Variants in ATP8A2 observed in about 807,000 individuals in gnomAD.
ATP8A2 encodes the protein phospholipid-transporting ATPase IB.
A neutral mutation model predicts 165.6 loss-of-function variants in ATP8A2; 100 were observed. The observed-to-expected ratio is 0.60, with a 90% CI of 0.51 to 0.71. The LOEUF (loss-of-function observed/expected upper bound fraction) is 0.71, where lower values mean the gene tolerates loss of function less well. Among genes scored for constraint, ATP8A2 ranks in the 30% least tolerant of loss-of-function variants. The probability of loss-of-function intolerance (pLI) is 0.00; values close to 1 mark genes in which losing one functional copy is unlikely to be tolerated. For synonymous variants in ATP8A2, 543 were observed against 548.8 expected (o/e 0.99, Z 0.15); for missense variants, 1,227 against 1,479.5 (o/e 0.83, Z 2.80).
intron 1 of ATP8A2, among the ~76,000 whole-genome samples, chr13:25,453,703 G>A (rs1252877510): frequency 2.0e-5 from 3 of 152,238 alleles, no homozygotes; most frequent in South Asian, 4.1e-4. Context: ...AAAGACTAAC[G>A]TTCTATAAGA....
intron 33 of ATP8A2, among the ~76,000 whole-genome samples, chr13:25,946,742 G>A (rs1955223859): frequency 2.8e-5 from 2 of 71,474 alleles, no homozygotes; most frequent in Non-Finnish European, 2.9e-5. Context: ...AATGTTATTG[G>A]TTTTTTGTTT....
Position 25,563,972 on chromosome 13 carries a change from T to C in ATP8A2, c.1414T>C (p.Cys472Arg). Residue 472 changes from cysteine (C) to arginine (R), a missense_variant, in exon 16 of 37, where the codon TGT becomes CGT. Physicochemically the swap from Cys to Arg is radical, Grantham distance 180 (BLOSUM62 -3). Around this residue, in one of 5 missense-constraint regions of ATP8A2, gnomAD observed 592 missense variants for 785.6 expected, o/e 0.75. Transcript: ENST00000381655. Reference protein sequence around the residue: ...SDDFCRMPPPCSDSCDFDDPR... With the variant: ...SDDFCRMPPPRSDSCDFDDPR... ...CTCTTACAGTCGGATGCCTCCTCCC[T>C]GTAGTGATTCCTGTGACTTTGATGA... 6.2e-7 allele frequency: 1 copy of C among 1,612,508 alleles called. No homozygotes were observed. The highest frequency in any genetic ancestry group is 8.5e-7 in the Non-Finnish European group (1 of 1,178,480).
chr13:25,424,747 T>C (rs2034396137), intron 1 of ATP8A2, among the ~76,000 whole-genome samples: 1 of 152,082 alleles, frequency 6.6e-6, no homozygotes, highest in Non-Finnish European at 1.5e-5. Flanking sequence ...CACCTGAGGT[T>C]GGGAGTTCAA....
intron 16 of ATP8A2, among the ~76,000 whole-genome samples, chr13:25,570,468 A>T (rs2039433842): frequency 6.6e-6 from 1 of 152,144 alleles, no homozygotes; most frequent in South Asian, 2.1e-4. Context: ...GCTCCTGGGG[A>T]GGCAGGGTGT....
chr13:25,586,849 T>A (rs1200093421), intron 23 of ATP8A2, among the ~76,000 whole-genome samples: 2 of 152,314 alleles, frequency 1.3e-5, no homozygotes, highest in African/African-American at 2.4e-5. Context: ...CTGACAGATT[T>A]GGTTTAGTAA....
At chr13:25,639,482 A>G (rs1188858224) in intron 24 of ATP8A2, among the ~76,000 whole-genome samples, 1 of 152,204 alleles carries the variant, frequency 6.6e-6, no homozygotes, top group Non-Finnish European at 1.5e-5. Context: ...ACTTTAAATC[A>G]ATGAAGATCG....
chr13:25,800,562 C>T (rs763002937), intron 27 of ATP8A2, among the ~76,000 whole-genome samples: 1 of 152,138 alleles, frequency 6.6e-6, no homozygotes, highest in Non-Finnish European at 1.5e-5. Flanking sequence ...TGGCAGGCTC[C>T]TGGACACCTG....
intron 24 of ATP8A2, among the ~76,000 whole-genome samples, chr13:25,607,223 TCCCTGGTG>T (rs2040540190): frequency 4.6e-5 from 7 of 152,134 alleles, no homozygotes; most frequent in Admixed American, 4.6e-4. Flanking sequence ...ACAAAACGGG[TCCCTGGTG>T]CCAAAACAGT....
chr13:25,508,146 T>C (rs943115587), intron 2 of ATP8A2, among the ~76,000 whole-genome samples: 1 of 152,200 alleles, frequency 6.6e-6, no homozygotes, highest in African/African-American at 2.4e-5. Flanking sequence ...AACACATTGC[T>C]GGTAGGAATG....
chr13:25,511,243 T>A (rs907046873), intron 2 of ATP8A2, among the ~76,000 whole-genome samples: 4 of 152,336 alleles, frequency 2.6e-5, no homozygotes, highest in Admixed American at 2.6e-4. Context: ...TTTTGCATTT[T>A]AATTTTTATC....
chr13:25,820,967 C>G (rs1384024947), intron 27 of ATP8A2, among the ~76,000 whole-genome samples: 1 of 150,954 alleles, frequency 6.6e-6, no homozygotes, highest in East Asian at 1.9e-4. Flanking sequence ...TTTTCTCTAC[C>G]AAGTAAATAG....
rs561957185 is a variant in ATP8A2 at position 25,395,461 on chromosome 13, G to A, written c.76+23173G>A. On this transcript the variant is annotated intron_variant, in intron 1 of 36. Coordinates refer to ENST00000381655, the MANE Select transcript of ATP8A2 (RefSeq NM_016529.6). ...AAAAAGGCAGATTACTTGGAGAAAA[G>A]GCATACACATTTATTAACGTATACA... 9.2e-5 allele frequency among the ~76,000 whole-genome samples: 14 copies of A among 152,170 alleles called. 1 individual carries two copies. In the South Asian group the frequency reaches 2.9e-3, roughly 32 times the overall value.
chr13:25,549,016 A>G (rs566236773), intron 10 of ATP8A2, among the ~76,000 whole-genome samples: 1 of 152,276 alleles, frequency 6.6e-6, no homozygotes, highest in South Asian at 2.1e-4. Flanking sequence ...CTTTGGAGAC[A>G]TTTTCATCCT....
chr13:25,423,417 G>A (rs561584703), intron 1 of ATP8A2, among the ~76,000 whole-genome samples: 2 of 152,288 alleles, frequency 1.3e-5, no homozygotes, highest in African/African-American at 4.8e-5. Flanking sequence ...TACAAAGCTT[G>A]CTGAGTGATC....
chr13:25,453,178 G>T (rs2035274324), intron 1 of ATP8A2, among the ~76,000 whole-genome samples: 1 of 151,880 alleles, frequency 6.6e-6, no homozygotes, highest in Admixed American at 6.6e-5. Flanking sequence ...CCAGGCTGGA[G>T]TGCAATGGTA....
chr13:25,798,737 T>G (rs1950549149), intron 27 of ATP8A2, among the ~76,000 whole-genome samples: 1 of 152,158 alleles, frequency 6.6e-6, no homozygotes, highest in African/African-American at 2.4e-5. Context: ...ATGATCTTTC[T>G]GTACTTCAGA....
intron 24 of ATP8A2, among the ~76,000 whole-genome samples, chr13:25,665,838 C>T (rs1343661759): frequency 1.3e-5 from 2 of 151,628 alleles, no homozygotes; most frequent in East Asian, 3.9e-4. Context: ...CAGATGCACA[C>T]CACCACTCCT....
intron 35 of ATP8A2, among the ~76,000 whole-genome samples, chr13:25,992,294 T>G (rs1956411975): frequency 6.6e-6 from 1 of 151,920 alleles, no homozygotes; most frequent in Non-Finnish European, 1.5e-5. Context: ...TTAGTCTGTG[T>G]TTTCCTAATG....
At chr13:25,634,517 G>C (rs2137532082) in intron 24 of ATP8A2, among the ~76,000 whole-genome samples, 1 of 152,252 alleles carries the variant, frequency 6.6e-6, no homozygotes, top group South Asian at 2.1e-4. Context: ...TAAGTTTAAT[G>C]AGTAACAGTT....
Sources: allele counts gnomAD v4.1 joint callset (sites outside exome capture counted in the v4.1 genomes callset), GRCh38; gene constraint gnomAD v4.1.1; regional missense constraint gnomAD v4.1.1; transcripts MANE v1.5; gene names NCBI Gene and HGNC (gene_info 2026-07-23, HGNC 2026-07-21).